NEGR1: variants seen among roughly 807,000 people sequenced by gnomAD.
NEGR1 encodes the protein IgLON family member 4.
In NEGR1, 10 loss-of-function variants were observed where a neutral mutation model predicts 40.9. The observed-to-expected ratio is 0.24, with a 90% CI of 0.15 to 0.42. NEGR1 has a LOEUF of 0.42. NEGR1 is among the 10% of genes least tolerant of loss of function. NEGR1 has a pLI of 1.00. For missense variants in NEGR1, 352 were observed against 438.9 expected, an observed-to-expected ratio of 0.80 and a Z score of 1.77; for synonymous variants, 185 against 166.8, an observed-to-expected ratio of 1.11 and a Z score of -0.84.
At chr1:71,967,019 G>A (rs986170412) in intron 1 of NEGR1, among the ~76,000 whole-genome samples, 1 of 152,098 alleles carries the variant, frequency 6.6e-6, no homozygotes, top group Non-Finnish European at 1.5e-5. Flanking sequence ...CAGCTGGGTT[G>A]TTAATACAGG....
intron 6 of NEGR1, among the ~76,000 whole-genome samples, chr1:71,505,704 G>C (rs1026086906): frequency 6.6e-6 from 1 of 152,164 alleles, no homozygotes; most frequent in South Asian, 2.1e-4. Context: ...CTTTAAATGG[G>C]AAAAATCCTA....
At chr1:72,038,765 C>T (rs1487929546) in intron 1 of NEGR1, among the ~76,000 whole-genome samples, 3 of 151,860 alleles carry the variant, frequency 2.0e-5, no homozygotes, top group Admixed American at 1.3e-4. Flanking sequence ...CCATGAATCA[C>T]CATATTTTAA....
chr1:71,582,299 G>A (rs910371828), intron 6 of NEGR1, among the ~76,000 whole-genome samples: 1 of 152,082 alleles, frequency 6.6e-6, no homozygotes, highest in Non-Finnish European at 1.5e-5. Context: ...ATGCAGAAAA[G>A]CATCTTGTAA....
chr1:71,648,217 G>A (rs1014377940), intron 4 of NEGR1, among the ~76,000 whole-genome samples: 7 of 151,872 alleles, frequency 4.6e-5, no homozygotes, highest in Non-Finnish European at 8.8e-5. Context: ...ACAAAAACCA[G>A]AACAGTTTCT....
chr1:71,831,685 C>T (rs1376547537), intron 2 of NEGR1, among the ~76,000 whole-genome samples: 1 of 151,470 alleles, frequency 6.6e-6, no homozygotes, highest in Non-Finnish European at 1.5e-5. Flanking sequence ...TACAAAAACA[C>T]AAAGGATGTG....
Position 72,168,368 on chromosome 1 carries a change from C to A in NEGR1, c.176+113951G>T, listed in dbSNP as rs116234769. Among the ~76,000 whole-genome samples, 920 of 151,476 alleles carry A rather than the reference C, an allele frequency of 6.1e-3. 7 individuals carry two copies. The highest frequency in any genetic ancestry group is 0.021 in the African/African-American group (870 of 41,382). Reference sequence around the variant, plus strand: ...GAGAGCCAGTCCTTTTTTTTTCACTCCCCCTTCCATGTCCTCTTTCTTTCT... The same window carrying A: ...GAGAGCCAGTCCTTTTTTTTTCACTACCCCTTCCATGTCCTCTTTCTTTCT... On this transcript the variant is annotated intron_variant, in intron 1 of 6. Transcript: ENST00000357731.
chr1:71,501,152 T>C (rs1646996522), intron 6 of NEGR1, among the ~76,000 whole-genome samples: 1 of 152,118 alleles, frequency 6.6e-6, no homozygotes, highest in African/African-American at 2.4e-5. Flanking sequence ...TATACACACA[T>C]GTGCAGGCAT....
chr1:71,917,712 G>T (rs1363249650), intron 2 of NEGR1, among the ~76,000 whole-genome samples: 1 of 148,386 alleles, frequency 6.7e-6, no homozygotes, highest in Non-Finnish European at 1.5e-5. Context: ...CCCGGGAGGC[G>T]GAGCTTGCAG....
intron 3 of NEGR1, among the ~76,000 whole-genome samples, chr1:71,748,025 T>C (rs1315155489): frequency 6.6e-6 from 1 of 152,204 alleles, no homozygotes; most frequent in South Asian, 2.1e-4. Flanking sequence ...ATTTTGTAAA[T>C]ACTTTCATGT....
chr1:71,679,446 TTC>T (rs773029308), intron 4 of NEGR1, among the ~76,000 whole-genome samples: 1 of 152,156 alleles, frequency 6.6e-6, no homozygotes, highest in Admixed American at 6.5e-5. Context: ...TTTGCACATT[TTC>T]TCTGATATAA....
At chr1:71,812,475 T>G (rs1176652765) in intron 2 of NEGR1, among the ~76,000 whole-genome samples, 1 of 152,166 alleles carries the variant, frequency 6.6e-6, no homozygotes, top group Non-Finnish European at 1.5e-5. Flanking sequence ...ATTGCCACAC[T>G]GTCTTCCACA....
chr1:71,898,749 CA>C (rs1420904117), intron 2 of NEGR1, among the ~76,000 whole-genome samples: 1 of 149,422 alleles, frequency 6.7e-6, no homozygotes, highest in Non-Finnish European at 1.5e-5. Flanking sequence ...TTTGGACGTT[CA>C]AAACCTATCT....
rs114798261 is a variant in NEGR1 at position 72,147,941 on chromosome 1, C to T, written c.176+134378G>A. Among the ~76,000 whole-genome samples, 919 of 152,258 alleles carry T rather than the reference C, an allele frequency of 6.0e-3. 8 individuals carry two copies. The highest frequency in any genetic ancestry group is 0.021 in the African/African-American group (875 of 41,542). ...GTCTTGGGTGGCTCCACGCCTGTGG[C>T]TTAGCAGGGTACAGCCTCCCTCCTG... On this transcript the variant is annotated intron_variant, in intron 1 of 6. Coordinates refer to ENST00000357731, the MANE Select transcript of NEGR1 (RefSeq NM_173808.3).
intron 1 of NEGR1, among the ~76,000 whole-genome samples, chr1:72,217,783 A>C (rs1338083734): frequency 6.6e-6 from 1 of 151,840 alleles, no homozygotes; most frequent in African/African-American, 2.4e-5. Flanking sequence ...AGTAGTTATA[A>C]AACTTTTATG....
intron 6 of NEGR1, among the ~76,000 whole-genome samples, chr1:71,435,798 C>G (rs987211655): frequency 6.6e-6 from 1 of 152,170 alleles, no homozygotes. Context: ...TGCTTTGTCC[C>G]TGAAGTCAGG....
Position 72,090,916 on chromosome 1 carries a change from C to G in NEGR1, c.177-155605G>C, listed in dbSNP as rs184054540. The stretch of plus-strand genomic sequence containing the variant: ...GATATTCCATAAAATACCATAATGT[C>G]TCCGAAAACATTTCAGGGTTCTTTT... On this transcript the variant is annotated intron_variant, in intron 1 of 6. Coordinates refer to ENST00000357731, the MANE Select transcript of NEGR1 (RefSeq NM_173808.3). Among the ~76,000 whole-genome samples the G allele has an allele frequency of 1.2e-3, 179 of 152,308 alleles. 1 individual carries two copies. The highest frequency in any genetic ancestry group is 2.2e-3 in the Non-Finnish European group (153 of 68,024).
intron 2 of NEGR1, among the ~76,000 whole-genome samples, chr1:71,887,142 T>C (rs1481226941): frequency 1.3e-5 from 2 of 152,128 alleles, no homozygotes; most frequent in African/African-American, 4.8e-5. Context: ...ATTAAGAAAA[T>C]TATAAGTAAG....
At chr1:72,191,439 CAGAG>C (rs971301380) in intron 1 of NEGR1, among the ~76,000 whole-genome samples, 1 of 151,678 alleles carries the variant, frequency 6.6e-6, no homozygotes, top group African/African-American at 2.4e-5. Context: ...GAGAGACAGA[CAGAG>C]AGAGAAGAGA....
chr1:71,810,860 G>A (rs575536951), intron 2 of NEGR1, among the ~76,000 whole-genome samples: 1 of 152,212 alleles, frequency 6.6e-6, no homozygotes, highest in Admixed American at 6.5e-5. Flanking sequence ...ACAGCCTGTG[G>A]AACTGTGAGC....
Sources: allele counts gnomAD v4.1 joint callset (sites outside exome capture counted in the v4.1 genomes callset), GRCh38; gene constraint gnomAD v4.1.1; transcripts MANE v1.5; gene names NCBI Gene and HGNC (gene_info 2026-07-23, HGNC 2026-07-21).